Variants in ZNF440 observed in about 807,000 individuals in gnomAD.
ZNF440 encodes the protein zinc finger protein 440.
In ZNF440, 47 loss-of-function variants were observed where a neutral mutation model predicts 49.7. The observed-to-expected ratio is 0.95, with a 90% CI of 0.75 to 1.21. ZNF440 has a LOEUF of 1.21. ZNF440 is among the 50% of genes most tolerant of loss of function. ZNF440 has a pLI of 0.00. For synonymous variants in ZNF440, 255 were observed against 237.7 expected (o/e 1.07, Z -0.67); for missense variants, 703 against 715.0 (o/e 0.98, Z 0.19).
intron 1 of ZNF440, among the ~76,000 whole-genome samples, chr19:11,814,974 T>C (rs1599286670): frequency 6.6e-6 from 1 of 151,818 alleles, no homozygotes; most frequent in Admixed American, 6.6e-5. Context: ...TAGGCTAAGG[T>C]TTAAAATTAA....
In ZNF440 at chr19:11,833,196, A is replaced by G; in HGVS notation, c.*232A>G. On this transcript the variant is annotated 3_prime_UTR_variant, in exon 4 of 4. Coordinates refer to ENST00000304060, the MANE Select transcript of ZNF440 (RefSeq NM_152357.3). ...GGGAAAGCCTTCAGATCTGTCAAAAATCTTCGATTTCATAAAAGGACACAC... is the reference window on the plus strand; with the variant it reads ...GGGAAAGCCTTCAGATCTGTCAAAAGTCTTCGATTTCATAAAAGGACACAC... 1.7e-6 allele frequency: 2 copies of G among 1,157,292 alleles called. No homozygotes were observed. The highest frequency in any genetic ancestry group is 2.5e-6 in the Non-Finnish European group (2 of 804,460). 71.7% of individuals were successfully genotyped at this position (1,157,292 alleles called of 1,614,324 possible).
rs201866999 is a variant in ZNF440, at chr19:11,832,444, C to G, written c.1268C>G (p.Pro423Arg). The G allele has an allele frequency of 1.3e-3, 2,061 of 1,613,190 alleles. 17 individuals are homozygous for G. The highest frequency in any genetic ancestry group is 1.1e-3 in the Admixed American group (63 of 59,916). ...GGTAGGACTCACACTGGAGAGAAAC[C>G]GTATGAATGTAAGGAATGTGGGAAA... ...VHGRTHTGEKPYECKECGKAF... is the reference protein window; with the variant it reads ...VHGRTHTGEKRYECKECGKAF... Residue 423 changes from proline to arginine, a missense_variant, in exon 4 of 4, where the codon CCG becomes CGG. Coordinates refer to ENST00000304060, the MANE Select transcript of ZNF440 (RefSeq NM_152357.3).
chr19:11,833,254 T>C lies in ZNF440; in HGVS notation c.*290T>C. The C allele has an allele frequency of 1.3e-6, 1 of 778,018 alleles. No homozygotes were observed. Among genetic ancestry groups the C allele is most frequent in the Non-Finnish European group, 2.0e-6 (1 of 493,104 alleles). The allele number at this position is 778,018 out of a possible 1,614,324, so 48.2% of individuals were successfully genotyped here. A position where few individuals can be genotyped will look rare whatever the true frequency, so the allele number is the denominator to read the frequency against. On this transcript the variant is annotated 3_prime_UTR_variant, in exon 4 of 4. Transcript: ENST00000304060. ...AGAAACCCTGTGAATGTAAGAAATG[T>C]AGAAAAGCATTCCATAATTTCTCTT... is the stretch of plus-strand genomic sequence containing the variant.
At position 11,831,732 on chromosome 19, in the gene ZNF440, A is replaced by C; in HGVS notation, c.556A>C (p.Ser186Arg). 6.2e-7 allele frequency: 1 copy of C among 1,614,142 alleles called. No homozygotes were observed. ...VCGKTFISHS[S>R]VRRHMVMHSG... is the part of the protein sequence containing the mutation. ...TGGAAAAACCTTTATTTCCCATTCA[A>C]GTGTTCGAAGACACATGGTAATGCA... The change falls in exon 4 of 4, where the codon AGT becomes CGT. Residue 186 changes from serine to arginine, a missense_variant. Coordinates refer to ENST00000304060, the MANE Select transcript of ZNF440 (RefSeq NM_152357.3).
In ZNF440 at chr19:11,832,131, AAAGC is replaced by A. The variant is rs756192272; in HGVS notation, c.957_960del (p.Lys319AsnfsTer12). On this transcript the variant is annotated frameshift_variant, in exon 4 of 4. Coordinates refer to ENST00000304060, the MANE Select transcript of ZNF440 (RefSeq NM_152357.3). LOFTEE classifies it high-confidence loss of function. Reference sequence around the variant, plus strand: ...TCTCTATGAATGTAAGCAGTGTGGGAAAGCATTATCCTCTCTTACAAGTTTTCAA... The same window carrying A: ...TCTCTATGAATGTAAGCAGTGTGGGAATTATCCTCTCTTACAAGTTTTCAA... 1 of 1,614,230 alleles carries A rather than the reference AAAGC, an allele frequency of 6.2e-7. No individual in the cohort carries two copies. The highest frequency in any genetic ancestry group is 1.1e-5 in the South Asian group (1 of 91,090).
chr19:11,823,918 C>T (rs1329896565), intron 1 of ZNF440, among the ~76,000 whole-genome samples: 1 of 152,168 alleles, frequency 6.6e-6, no homozygotes, highest in East Asian at 1.9e-4. Flanking sequence ...GCCAAGATCA[C>T]ACCACTGCAC....
At chr19:11,827,386 G>T (rs1188217181) in intron 1 of ZNF440, among the ~76,000 whole-genome samples, 3 of 152,106 alleles carry the variant, frequency 2.0e-5, no homozygotes, top group African/African-American at 2.4e-5. Context: ...TGATTGGTTG[G>T]TTTTTTTCTT....
rs535608972 is a variant in ZNF440 at position 11,831,406 on chromosome 19, A to G, written c.230A>G (p.Asp77Gly). ...IEEKVNEIKD[D>G]SHCGETFTPV... ...GAAAAAGTCAATGAAATTAAAGATG[A>G]CAGTCATTGTGGAGAAACTTTTACC... The change falls in exon 4 of 4, where the codon GAC becomes GGC. Residue 77 changes from aspartate (D) to glycine (G), a missense_variant. Coordinates refer to ENST00000304060, the MANE Select transcript of ZNF440 (RefSeq NM_152357.3). 3 of 1,611,000 alleles carry G rather than the reference A, an allele frequency of 1.9e-6. No individual in the cohort carries two copies. The highest frequency in any genetic ancestry group is 2.5e-6 in the Non-Finnish European group (3 of 1,179,268).
intron 1 of ZNF440, among the ~76,000 whole-genome samples, chr19:11,817,969 G>A (rs560476335): frequency 1.3e-5 from 2 of 152,260 alleles, no homozygotes; most frequent in African/African-American, 4.8e-5. Flanking sequence ...CAGCACTTTG[G>A]GAGGCCGAGG....
intron 1 of ZNF440, among the ~76,000 whole-genome samples, chr19:11,824,851 G>T (rs1443503971): frequency 6.6e-6 from 1 of 151,862 alleles, no homozygotes; most frequent in Non-Finnish European, 1.5e-5. Context: ...GGGAATACAG[G>T]CGCACACCAC....
At chr19:11,815,920 A>G (rs1291385296) in intron 1 of ZNF440, 1 of 152,252 alleles carries the variant, frequency 6.6e-6, no homozygotes, top group Non-Finnish European at 1.5e-5. Flanking sequence ...CGATTCACGA[A>G]TGAGAAACAC....
chr19:11,819,043 C>T (rs940666753), intron 1 of ZNF440, among the ~76,000 whole-genome samples: 1 of 152,090 alleles, frequency 6.6e-6, no homozygotes, highest in African/African-American at 2.4e-5. Flanking sequence ...TGGGATGGCT[C>T]ACACCTGTAA....
intron 1 of ZNF440, among the ~76,000 whole-genome samples, chr19:11,828,096 T>C (rs1194533317): frequency 2.0e-5 from 3 of 152,322 alleles, no homozygotes; most frequent in African/African-American, 7.2e-5. Flanking sequence ...TATAAATAAC[T>C]CCCACATGCT....
intron 1 of ZNF440, among the ~76,000 whole-genome samples, chr19:11,825,797 T>TTTTTC (rs1248092539): frequency 5.7e-4 from 83 of 144,890 alleles, no homozygotes; most frequent in Non-Finnish European, 1.2e-3. Flanking sequence ...TTTTCTTTTT[T>TTTTTC]TTTTCTTTTC....
intron 1 of ZNF440, among the ~76,000 whole-genome samples, chr19:11,815,284 T>TCACTCACACA (rs770849579): frequency 6.6e-5 from 8 of 121,062 alleles, no homozygotes; most frequent in African/African-American, 2.2e-4. Flanking sequence ...GGCAACTCCG[T>TCACTCACACA]CACACACACA....
chr19:11,815,106 C>G (rs1017855864), intron 1 of ZNF440, among the ~76,000 whole-genome samples: 3 of 152,016 alleles, frequency 2.0e-5, no homozygotes, highest in African/African-American at 4.8e-5. Context: ...GAAACCCCGT[C>G]TCCACTAAAA....
In ZNF440 at chr19:11,835,125, G is replaced by C. The variant is rs186354564; in HGVS notation, c.*2161G>C. 6.6e-6 allele frequency: 1 copy of C among 152,228 alleles called. No individual in the cohort carries two copies. Among genetic ancestry groups the C allele is most frequent in the Non-Finnish European group, 1.5e-5 (1 of 68,130 alleles). The allele number at this position is 152,228 out of a possible 1,614,324, so 9.4% of individuals were successfully genotyped here. A position where few individuals can be genotyped will look rare whatever the true frequency, so the allele number is the denominator to read the frequency against. On this transcript the variant is annotated 3_prime_UTR_variant, in exon 4 of 4. Transcript: ENST00000304060. ...TCACGCCTATAATCCCAGCACTTTG[G>C]GAGGCCGAGGCGGGCGGATCACTAG...
At chr19:11,822,109 G>T (rs1362933465) in intron 1 of ZNF440, among the ~76,000 whole-genome samples, 1 of 152,208 alleles carries the variant, frequency 6.6e-6, no homozygotes, top group Admixed American at 6.5e-5. Flanking sequence ...GTTCTGTGAA[G>T]TCGCACTGTG....
At chr19:11,822,358 A>T (rs1344813150) in intron 1 of ZNF440, among the ~76,000 whole-genome samples, 1 of 152,224 alleles carries the variant, frequency 6.6e-6, no homozygotes, top group Non-Finnish European at 1.5e-5. Flanking sequence ...ATGCATGCTA[A>T]GGTAACATAT....
Sources: gnomAD v4.1 joint callset for allele counts (sites outside exome capture counted in the v4.1 genomes callset) on GRCh38, gnomAD v4.1.1 for gene constraint, MANE v1.5 for transcripts, NCBI Gene and HGNC (gene_info 2026-07-23, HGNC 2026-07-21) for gene names.